Variants in NELL1 observed in about 807,000 individuals in gnomAD.
NELL1 encodes the protein protein kinase C-binding protein NELL1.
In NELL1, 76 loss-of-function variants were observed where a neutral mutation model predicts 107.4. The observed-to-expected ratio is 0.71, with a 90% confidence interval of 0.59 to 0.86. NELL1 has a LOEUF of 0.86. Among genes scored for constraint, NELL1 ranks in the 40% least tolerant of loss-of-function variants. NELL1 has a pLI of 0.00. For synonymous variants in NELL1, 353 were observed against 341.2 expected (o/e 1.03, Z -0.38); for missense variants, 1,024 against 1,005.5 (o/e 1.02, Z -0.25).
At chr11:20,708,543 G>A (rs904496868) in intron 2 of NELL1, among the ~76,000 whole-genome samples, 1 of 151,908 alleles carries the variant, frequency 6.6e-6, no homozygotes, top group Non-Finnish European at 1.5e-5. Context: ...GTCTATTCAT[G>A]TCCTTTGCTT....
At chr11:21,081,798 G>T (rs538697609) in intron 12 of NELL1, among the ~76,000 whole-genome samples, 1 of 152,062 alleles carries the variant, frequency 6.6e-6, no homozygotes, top group African/African-American at 2.4e-5. Flanking sequence ...AGTGATCTTC[G>T]TAAAAAGTAT....
intron 12 of NELL1, among the ~76,000 whole-genome samples, chr11:21,003,463 C>A (rs1247830794): frequency 1.3e-5 from 2 of 152,092 alleles, no homozygotes; most frequent in Non-Finnish European, 2.9e-5. Flanking sequence ...AAAGTTTAGG[C>A]TTGCAGAAGT....
At chr11:20,680,952 C>T (rs1854176166) in intron 2 of NELL1, among the ~76,000 whole-genome samples, 1 of 152,074 alleles carries the variant, frequency 6.6e-6, no homozygotes, top group African/African-American at 2.4e-5. Context: ...CAGATCTGTC[C>T]TAGATAATGC....
At chr11:21,461,475 T>G (rs1488297203) in intron 15 of NELL1, among the ~76,000 whole-genome samples, 1 of 152,046 alleles carries the variant, frequency 6.6e-6, no homozygotes, top group East Asian at 1.9e-4. Context: ...GAAATTAGAG[T>G]GCTGTAGAAA....
intron 2 of NELL1, among the ~76,000 whole-genome samples, chr11:20,691,342 G>T (rs1236222356): frequency 6.6e-6 from 1 of 150,898 alleles, no homozygotes. Context: ...TGGTGAGAGA[G>T]GGCATCCCTG....
intron 2 of NELL1, among the ~76,000 whole-genome samples, chr11:20,709,142 G>A (rs1855049136): frequency 6.6e-6 from 1 of 151,932 alleles, no homozygotes; most frequent in South Asian, 2.1e-4. Flanking sequence ...GAGTTTTTCT[G>A]ATGTTATCTT....
Position 20,758,005 on chromosome 11 carries a change from C to T in NELL1, c.185-25675C>T, listed in dbSNP as rs77558450. Reference sequence around the variant, plus strand: ...TGGTTTGCAGATAGCCTCCTCCTTGCTCTATCTTCACATGGCAGAGAGAGA... The same window carrying T: ...TGGTTTGCAGATAGCCTCCTCCTTGTTCTATCTTCACATGGCAGAGAGAGA... On this transcript the variant is annotated intron_variant, in intron 2 of 19. Transcript: ENST00000357134. 1.3e-3 allele frequency among the ~76,000 whole-genome samples: 198 copies of T among 152,310 alleles called. 1 individual carries two copies. The highest frequency in any genetic ancestry group is 4.5e-3 in the African/African-American group (188 of 41,562).
At chr11:21,115,713 A>ATG in intron 13 of NELL1, among the ~76,000 whole-genome samples, 1 of 151,954 alleles carries the variant, frequency 6.6e-6, no homozygotes, top group South Asian at 2.1e-4. Context: ...GGTGGACAAC[A>ATG]GAAAGGATAC....
chr11:21,191,536 A>G (rs1345186624), intron 13 of NELL1, among the ~76,000 whole-genome samples: 3 of 151,964 alleles, frequency 2.0e-5, no homozygotes, highest in Non-Finnish European at 1.5e-5. Flanking sequence ...TCATGTTGCT[A>G]TAAGGCACTA....
intron 12 of NELL1, among the ~76,000 whole-genome samples, chr11:20,987,328 A>C (rs1590503951): frequency 6.6e-6 from 1 of 152,148 alleles, no homozygotes; most frequent in Non-Finnish European, 1.5e-5. Context: ...CCTTCTCTAC[A>C]AGTTACTAGC....
rs1000075055 is a variant in NELL1 at position 20,919,451 on chromosome 11, C to A, written c.759+117C>A. 2.4e-5 allele frequency: 15 copies of A among 619,402 alleles called. No individual in the cohort carries two copies. The African/African-American group carries it at 2.6e-4, about 11-fold the overall frequency. 38.4% of individuals were successfully genotyped at this position (619,402 alleles called of 1,614,324 possible). A position where few individuals can be genotyped will look rare whatever the true frequency, so the allele number is the denominator to read the frequency against. On this transcript the variant is annotated intron_variant, in intron 7 of 19. Coordinates refer to ENST00000357134, the MANE Select transcript of NELL1 (RefSeq NM_006157.5). The stretch of plus-strand genomic sequence containing the variant: ...CCTCGGCATCTGCTATATGTTACTA[C>A]AAAAATGTTTTATTCTTACTCAAAA...
chr11:20,913,895 T>G (rs1187733875), intron 5 of NELL1, among the ~76,000 whole-genome samples: 5 of 152,034 alleles, frequency 3.3e-5, no homozygotes, highest in African/African-American at 1.2e-4. Flanking sequence ...AAGACTTCTG[T>G]TTTCTAGCAC....
chr11:21,097,777 A>G (rs888770580), intron 12 of NELL1, among the ~76,000 whole-genome samples: 2 of 152,208 alleles, frequency 1.3e-5, no homozygotes, highest in African/African-American at 4.8e-5. Context: ...TTGTCTTACA[A>G]TGTGTTAAAA....
chr11:21,354,529 G>A (rs570220772), intron 14 of NELL1, among the ~76,000 whole-genome samples: 11 of 152,064 alleles, frequency 7.2e-5, no homozygotes, highest in Admixed American at 1.3e-4. Flanking sequence ...AACTTTCTCC[G>A]GGCTAGCTAT....
intron 14 of NELL1, among the ~76,000 whole-genome samples, chr11:21,241,906 T>A (rs866159155): frequency 5.5e-4 from 49 of 88,480 alleles, no homozygotes; most frequent in African/African-American, 2.5e-3. Flanking sequence ...CTGTTTCTAT[T>A]TTTTTTTTTT....
chr11:21,224,393 A>T (rs1857839487), intron 13 of NELL1, among the ~76,000 whole-genome samples: 2 of 144,138 alleles, frequency 1.4e-5, no homozygotes, highest in South Asian at 2.2e-4. Flanking sequence ...CCATACCCAG[A>T]TTTTTTTTTT....
At position 21,416,544 on chromosome 11, in the gene NELL1, T is replaced by G. The variant is rs80178329; in HGVS notation, c.1645+45596T>G. On this transcript the variant is annotated intron_variant, in intron 15 of 19. Transcript: ENST00000357134. ...AAATTCTATAAAACAAGACTAGAAT[T>G]CTTTGAAGAAAGTTGAGATGACAGA... Among the ~76,000 whole-genome samples the G allele has an allele frequency of 1.8e-3, 276 of 152,262 alleles. 2 individuals carry two copies. The highest frequency in any genetic ancestry group is 6.3e-3 in the African/African-American group (261 of 41,574).
intron 15 of NELL1, among the ~76,000 whole-genome samples, chr11:21,513,601 ATTG>A (rs1855491742): frequency 6.6e-6 from 1 of 152,178 alleles, no homozygotes; most frequent in Non-Finnish European, 1.5e-5. Context: ...TCAGTCAGAG[ATTG>A]TTGTTTTGTT....
chr11:20,942,680 A>G (rs1371290342), intron 10 of NELL1, among the ~76,000 whole-genome samples: 3 of 152,140 alleles, frequency 2.0e-5, no homozygotes, highest in Admixed American at 1.3e-4. Context: ...TAAGACAGAT[A>G]CCATTCTCTC....
Sources: allele counts gnomAD v4.1 joint callset (sites outside exome capture counted in the v4.1 genomes callset), GRCh38; gene constraint gnomAD v4.1.1; transcripts MANE v1.5; gene names NCBI Gene and HGNC (gene_info 2026-07-23, HGNC 2026-07-21).